Variants in MYOM2 observed in about 807,000 individuals in gnomAD.
MYOM2 encodes myomesin 2, also known as myomesin-2.
A neutral mutation model predicts 187.6 loss-of-function variants in MYOM2; 254 were observed. That is an observed-to-expected ratio of 1.35 (90% CI 1.22 to 1.50). MYOM2 has a LOEUF of 1.50. Ranked by LOEUF, MYOM2 falls within the 40% of genes most tolerant of loss-of-function variation. The probability of loss-of-function intolerance (pLI) is 0.00; values close to 1 mark genes in which losing one functional copy is unlikely to be tolerated. For synonymous variants in MYOM2, 981 were observed against 753.8 expected, an observed-to-expected ratio of 1.30 and a Z score of -4.94; for missense variants, 2,796 against 1,924.0, an observed-to-expected ratio of 1.45 and a Z score of -8.48.
intron 25 of MYOM2, among the ~76,000 whole-genome samples, chr8:2,111,830 G>A (rs1261310223): frequency 6.6e-6 from 1 of 152,196 alleles, no homozygotes; most frequent in East Asian, 1.9e-4. Flanking sequence ...CATTGTAGAT[G>A]TACCAATTTC....
intron 28 of MYOM2, 70 bp downstream of exon 28, chr8:2,118,022 G>T: frequency 7.3e-7 from 1 of 1,368,832 alleles, no homozygotes; most frequent in Non-Finnish European, 1.0e-6. Flanking sequence ...GCCTTTCAGG[G>T]AGTAGCTGTG....
chr8:2,094,610 C>G (rs538809506), intron 17 of MYOM2, among the ~76,000 whole-genome samples: 1 of 152,336 alleles, frequency 6.6e-6, no homozygotes, highest in South Asian at 2.1e-4. Flanking sequence ...AAGATCGTGC[C>G]ACTGTACTCC....
chr8:2,106,717 G>T, intron 23 of MYOM2, 120 bp downstream of exon 23: 1 of 717,482 alleles, frequency 1.4e-6, no homozygotes. Context: ...GGAGGCTGGC[G>T]GTGGGGGCTA....
rs545552127 is a variant in MYOM2, at chr8:2,128,680, T to G, written c.3695-447T>G. Among the ~76,000 whole-genome samples the G allele has an allele frequency of 2.0e-5, 3 of 152,310 alleles. No individual in the cohort carries two copies. In the South Asian group the frequency reaches 6.2e-4, roughly 32 times the overall value. On this transcript the variant is annotated intron_variant, in intron 31 of 36. Coordinates refer to ENST00000262113, the MANE Select transcript of MYOM2 (RefSeq NM_003970.4). The stretch of plus-strand genomic sequence containing the variant: ...CCTCTGACCCAAGTTTCATTTGTCT[T>G]GAAGAACCAGCCGAGGTGCTCCCAT...
In MYOM2 at chr8:2,144,930, G is replaced by C. The variant is rs1401181137; in HGVS notation, c.4347G>C (p.Gln1449His). The change falls in exon 37 of 37, where the codon CAG becomes CAC. Residue 1449 changes from glutamine (Q) to histidine (H), a missense_variant. Gln to His is a conservative substitution (Grantham distance 24, BLOSUM62 0). Transcript: ENST00000262113. ...GEKIPDMAPP[Q>H]QAKPKLIPAS... ...AGATCCCGGACATGGCCCCGCCCCA[G>C]CAAGCCAAGCCCAAGCTCATCCCCG... The C allele has an allele frequency of 1.2e-6, 2 of 1,614,084 alleles. No homozygotes were observed. The highest frequency in any genetic ancestry group is 2.7e-5 in the African/African-American group (2 of 74,938).
intron 32 of MYOM2, among the ~76,000 whole-genome samples, chr8:2,134,125 A>G (rs543004762): frequency 5.9e-5 from 9 of 152,236 alleles, no homozygotes; most frequent in Non-Finnish European, 8.8e-5. Context: ...CTACAGACCA[A>G]TTCAGATTGC....
At chr8:2,133,958 G>A (rs1200312058) in intron 32 of MYOM2, among the ~76,000 whole-genome samples, 1 of 151,718 alleles carries the variant, frequency 6.6e-6, no homozygotes, top group Non-Finnish European at 1.5e-5. Context: ...CTTCCCCTGA[G>A]GTTAACGTCT....
chr8:2,084,559 C>A (rs1201285241), intron 13 of MYOM2, among the ~76,000 whole-genome samples: 1 of 152,152 alleles, frequency 6.6e-6, no homozygotes, highest in Non-Finnish European at 1.5e-5. Context: ...TTATGAAAAT[C>A]TCCTATAAAT....
Position 2,112,914 on chromosome 8 carries a change from C to T in MYOM2, c.3181-3046C>T, listed in dbSNP as rs535436377. Among the ~76,000 whole-genome samples the T allele has an allele frequency of 5.8e-4, 89 of 152,314 alleles. 2 individuals are homozygous for T. In the South Asian group the frequency reaches 7.5e-3, roughly 13 times the overall value. ...TCCAAGGGCTGACGGAGTCTTCTCC[C>T]GCTACGCCTGCCTCATTTGCCGAGC... On this transcript the variant is annotated intron_variant, in intron 25 of 36. Transcript: ENST00000262113.
intron 6 of MYOM2, among the ~76,000 whole-genome samples, chr8:2,066,572 A>G (rs1449214374): frequency 6.6e-6 from 1 of 152,236 alleles, no homozygotes; most frequent in African/African-American, 2.4e-5. Context: ...ACATGAGCAC[A>G]AAGTAAACAA....
Position 2,057,661 on chromosome 8 carries a change from A to G in MYOM2, c.441A>G (p.Glu147=). The G allele has an allele frequency of 6.2e-7, 1 of 1,614,114 alleles. No individual in the cohort carries two copies. Among genetic ancestry groups the G allele is most frequent in the Non-Finnish European group, 8.5e-7 (1 of 1,180,004 alleles). Residue 147 remains glutamate, a synonymous_variant, in exon 5 of 37, where the codon GAA becomes GAG. Transcript: ENST00000262113. ...DKLAWERHTF[E]ERISRAPEIL... The stretch of plus-strand genomic sequence containing the variant: ...TGGCCTGGGAGAGACACACATTTGA[A>G]GAGCGGATAAGCAGGGCTCCTGAGA...
At chr8:2,144,532 GC>G (rs1798387656) in intron 36 of MYOM2, 131 bp from the exon 37 acceptor site, 2 of 925,736 alleles carry the variant, frequency 2.2e-6, no homozygotes, top group African/African-American at 1.7e-5. Flanking sequence ...GTACATAAAG[GC>G]TTGTTTCTAA....
At chr8:2,065,444 C>T (rs1327077546) in intron 6 of MYOM2, among the ~76,000 whole-genome samples, 1 of 152,116 alleles carries the variant, frequency 6.6e-6, no homozygotes, top group Non-Finnish European at 1.5e-5. Flanking sequence ...GTGGTGCGCA[C>T]CTGTAATCCC....
At position 2,064,190 on chromosome 8, in the gene MYOM2, G is replaced by A. The variant is rs368129121; in HGVS notation, c.653+4945G>A. Among the ~76,000 whole-genome samples the A allele has an allele frequency of 8.5e-5, 13 of 152,300 alleles. No individual in the cohort carries two copies. In the South Asian group the frequency reaches 1.0e-3, roughly 12 times the overall value. On this transcript the variant is annotated intron_variant, in intron 6 of 36. Transcript: ENST00000262113. ...CCCAGGCCCCCTGCTTCCCGGCCTC[G>A]GGGCAGGCAGGGGGCAAACCCTGGG...
intron 2 of MYOM2, 101 bp downstream of exon 2, chr8:2,050,974 T>C: frequency 1.1e-6 from 1 of 895,378 alleles, no homozygotes; most frequent in Non-Finnish European, 1.7e-6. Context: ...GGCACTGGTT[T>C]GCAGGGAGTC....
In MYOM2 at chr8:2,100,791, G is replaced by A. The variant is rs1258684330; in HGVS notation, c.2441-85G>A. ...TCCTGGTGGGGGGCTTCCCAGAGGA[G>A]CAGTGGGTCCCCGGGGCTGGGTTGG... On this transcript the variant is annotated intron_variant, in intron 19 of 36. Coordinates refer to ENST00000262113, the MANE Select transcript of MYOM2 (RefSeq NM_003970.4). The A allele has an allele frequency of 4.4e-6, 6 of 1,353,594 alleles. No homozygotes were observed. In the East Asian group the frequency reaches 1.4e-4, roughly 32 times the overall value. 83.8% of individuals were successfully genotyped at this position (1,353,594 alleles called of 1,614,324 possible).
intron 3 of MYOM2, 21 bp from the exon 4 acceptor site, chr8:2,057,327 G>A: frequency 1.9e-6 from 3 of 1,586,544 alleles, no homozygotes; most frequent in Non-Finnish European, 1.7e-6. Context: ...TGCAACTGAG[G>A]CTGCTTCTCG....
chr8:2,106,144 G>T, intron 21 of MYOM2, 98 bp from the exon 22 acceptor site: 1 of 1,205,268 alleles, frequency 8.3e-7, no homozygotes, highest in Non-Finnish European at 1.2e-6. Flanking sequence ...ATGAGATTTG[G>T]GTGTGGACGC....
At chr8:2,126,929 A>G (rs1278848499) in intron 31 of MYOM2, among the ~76,000 whole-genome samples, 1 of 101,326 alleles carries the variant, frequency 9.9e-6, no homozygotes, top group East Asian at 3.2e-4. Flanking sequence ...GGAGGCAGAT[A>G]GAGGCTGGAG....
Sources: allele counts gnomAD v4.1 joint callset (sites outside exome capture counted in the v4.1 genomes callset), GRCh38; gene constraint gnomAD v4.1.1; transcripts MANE v1.5; gene names NCBI Gene and HGNC (gene_info 2026-07-23, HGNC 2026-07-21).